DMD: variants seen among roughly 807,000 people sequenced by gnomAD.
DMD encodes the protein dystrophin, also known as mutant dystrophin.
DMD carries 63 observed loss-of-function variants against 330.1 expected under a neutral mutation model. The ratio of observed to expected loss-of-function variants is 0.19; its 90% CI spans 0.16 to 0.24. DMD has a LOEUF of 0.24. DMD is among the 10% of genes least tolerant of loss of function. The pLI is 1.00. For missense variants in DMD, 3,344 were observed against 2,684.1 expected (o/e 1.25, Z -5.43); for synonymous variants, 1,223 against 959.8 (o/e 1.27, Z -5.07).
At chrX:31,751,729 T>C (rs1427666354) in intron 51 of DMD, among the ~76,000 whole-genome samples, 1 of 112,400 alleles carries the variant, frequency 8.9e-6, no homozygotes, top group Non-Finnish European at 1.9e-5. Flanking sequence ...AAGCTTGTAT[T>C]AAAATTGTGC....
intron 4 of DMD, among the ~76,000 whole-genome samples, chrX:32,842,182 A>C (rs1785348821): frequency 8.9e-6 from 1 of 112,154 alleles, no homozygotes; most frequent in African/African-American, 3.2e-5. Flanking sequence ...TGTTTCACTG[A>C]GTCAGTGCTG....
chrX:31,890,172 T>TAC (rs1381131108), intron 47 of DMD, among the ~76,000 whole-genome samples: 3 of 109,189 alleles, frequency 2.7e-5, no homozygotes, highest in African/African-American at 1.0e-4. Flanking sequence ...AAGGGAAAAC[T>TAC]ACACCACATA....
intron 55 of DMD, among the ~76,000 whole-genome samples, chrX:31,524,354 C>T (rs1603307500): frequency 8.9e-6 from 1 of 112,211 alleles, no homozygotes; most frequent in African/African-American, 3.2e-5. Context: ...CAATTCTTCT[C>T]AGCAAACTTT....
At chrX:32,530,350 A>C (rs2047365400) in intron 17 of DMD, among the ~76,000 whole-genome samples, 1 of 112,373 alleles carries the variant, frequency 8.9e-6, no homozygotes, top group South Asian at 3.6e-4. Context: ...AGTGAAGAGA[A>C]TAAAACTGCT....
intron 2 of DMD, among the ~76,000 whole-genome samples, chrX:32,936,156 G>A (rs1322676099): frequency 9.2e-6 from 1 of 108,536 alleles, no homozygotes; most frequent in Non-Finnish European, 1.9e-5. Context: ...TTGTTGCCCA[G>A]GCTGGAGTGC....
intron 30 of DMD, among the ~76,000 whole-genome samples, chrX:32,390,588 G>A (rs747016041): frequency 4.5e-5 from 5 of 112,124 alleles, no homozygotes; most frequent in Admixed American, 3.8e-4. Flanking sequence ...CCAAAGACAT[G>A]ATGTTAATCT....
At chrX:31,732,144 T>C (rs2086553855) in intron 51 of DMD, among the ~76,000 whole-genome samples, 1 of 107,228 alleles carries the variant, frequency 9.3e-6, no homozygotes, top group Admixed American at 1.0e-4. Flanking sequence ...TCCTTAAAAA[T>C]CTAAGGAGGT....
rs772699760 is a variant in DMD, at chrX:31,913,718, G to GA, written c.6912+15877dup. Among the ~76,000 whole-genome samples, 29 of 103,404 alleles carry GA rather than the reference G, an allele frequency of 2.8e-4. No individual in the cohort carries two copies. The East Asian group carries it at 4.5e-3, about 16-fold the overall frequency. 89.8% of individuals were successfully genotyped at this position (103,404 alleles called of 115,157 possible). On this transcript the variant is annotated intron_variant, in intron 47 of 78. Coordinates refer to ENST00000357033, the MANE Select transcript of DMD (RefSeq NM_004006.3). Reference sequence around the variant, plus strand: ...AGCATCCATTCCAGAGGAAGATTTTGAAAAAAAACAAAAACAAAAACAAAA... The same window carrying GA: ...AGCATCCATTCCAGAGGAAGATTTTGAAAAAAAAACAAAAACAAAAACAAAA...
At chrX:31,123,366 T>C (rs2033104371) in intron 78 of DMD, among the ~76,000 whole-genome samples, 1 of 112,446 alleles carries the variant, frequency 8.9e-6, no homozygotes, top group Non-Finnish European at 1.9e-5. Context: ...TGGCTGAGAC[T>C]GCAAGTATAA....
At chrX:32,627,805 C>A (rs2058451320) in intron 11 of DMD, among the ~76,000 whole-genome samples, 1 of 111,329 alleles carries the variant, frequency 9.0e-6, no homozygotes, top group South Asian at 3.7e-4. Context: ...TTATTATTTT[C>A]ACCAAAACGA....
At chrX:32,501,332 A>G (rs1340453618) in intron 19 of DMD, among the ~76,000 whole-genome samples, 1 of 112,017 alleles carries the variant, frequency 8.9e-6, no homozygotes, top group Non-Finnish European at 1.9e-5. Context: ...CAAAACAGGA[A>G]TGACGGTAAA....
chrX:31,626,404 A>C (rs1032052803), intron 55 of DMD, among the ~76,000 whole-genome samples: 4 of 112,136 alleles, frequency 3.6e-5, no homozygotes, highest in African/African-American at 1.3e-4. Context: ...TACATTGTCT[A>C]ACCATACATC....
At chrX:32,728,490 A>G (rs1254579939) in intron 7 of DMD, among the ~76,000 whole-genome samples, 1 of 111,952 alleles carries the variant, frequency 8.9e-6, no homozygotes, top group African/African-American at 3.2e-5. Context: ...GAAGTCATTT[A>G]ATCCATGGCT....
At chrX:31,293,306 G>A (rs1200066196) in intron 62 of DMD, among the ~76,000 whole-genome samples, 1 of 107,286 alleles carries the variant, frequency 9.3e-6, no homozygotes, top group Non-Finnish European at 1.9e-5. Flanking sequence ...GAACATAGGT[G>A]TATTCATTTT....
rs538563073 is a variant in DMD, at chrX:32,409,556, G to A, written c.4233+2196C>T. Among the ~76,000 whole-genome samples the A allele has an allele frequency of 4.4e-4, 49 of 111,134 alleles. No individual in the cohort carries two copies. In the South Asian group the frequency reaches 0.012, roughly 28 times the overall value. On this transcript the variant is annotated intron_variant, in intron 30 of 78. Coordinates refer to ENST00000357033, the MANE Select transcript of DMD (RefSeq NM_004006.3). ...CAACCTGTTCAACTAAAGATGCTTC[G>A]CCCTAAAAGCTCCAATTTTCCTTGA...
chrX:31,833,269 AG>A (rs1017435694), intron 49 of DMD, among the ~76,000 whole-genome samples: 1 of 72,752 alleles, frequency 1.4e-5, no homozygotes, highest in South Asian at 9.9e-4. Flanking sequence ...TGGGGGAGGA[AG>A]GGGGAGAGAG....
intron 59 of DMD, among the ~76,000 whole-genome samples, chrX:31,447,089 T>C (rs960681793): frequency 1.8e-5 from 2 of 111,388 alleles, no homozygotes; most frequent in African/African-American, 3.3e-5. Flanking sequence ...TCATTTTCTC[T>C]CCCAAATTCC....
At chrX:32,836,772 T>C (rs1345930156) in intron 4 of DMD, among the ~76,000 whole-genome samples, 2 of 112,261 alleles carry the variant, frequency 1.8e-5, no homozygotes, top group Non-Finnish European at 3.8e-5. Context: ...ATAAGTATAT[T>C]ATTAGTTTCT....
chrX:31,146,185 C>G, intron 76 of DMD, 106 bp downstream of exon 76: 1 of 991,733 alleles, frequency 1.0e-6, no homozygotes, highest in African/African-American at 1.9e-5. Flanking sequence ...CAGTGGCTCC[C>G]TGATACCAAG....
Sources: gnomAD v4.1 joint callset for allele counts (sites outside exome capture counted in the v4.1 genomes callset) on GRCh38, gnomAD v4.1.1 for gene constraint, MANE v1.5 for transcripts, NCBI Gene and HGNC (gene_info 2026-07-23, HGNC 2026-07-21) for gene names.